Variants in TMEM163 observed in about 807,000 individuals in gnomAD.
The protein encoded by TMEM163 is transmembrane protein 163.
TMEM163 carries 17 observed loss-of-function variants against 29.3 expected under a neutral mutation model. The ratio of observed to expected loss-of-function variants is 0.58; its 90% CI spans 0.40 to 0.87. TMEM163 has a LOEUF of 0.87. Ranked by LOEUF, TMEM163 falls within the 40% of genes least tolerant of loss-of-function variation. The pLI, the probability that TMEM163 is intolerant of heterozygous loss-of-function variation, is 0.00. For synonymous variants in TMEM163, 157 were observed against 160.6 expected, an observed-to-expected ratio of 0.98 and a Z score of 0.17; for missense variants, 303 against 381.5, an observed-to-expected ratio of 0.79 and a Z score of 1.71.
At chr2:134,552,507 T>C (rs1680953296) in intron 2 of TMEM163, among the ~76,000 whole-genome samples, 1 of 152,032 alleles carries the variant, frequency 6.6e-6, no homozygotes, top group Non-Finnish European at 1.5e-5. Flanking sequence ...ATGAAAAAAA[T>C]CTGTGGGCAC....
chr2:134,690,040 C>T (rs1454755243), intron 2 of TMEM163, among the ~76,000 whole-genome samples: 2 of 152,110 alleles, frequency 1.3e-5, no homozygotes, highest in Admixed American at 6.6e-5. Context: ...AAGCAACTCT[C>T]GTGCCTCAGC....
intron 2 of TMEM163, among the ~76,000 whole-genome samples, chr2:134,573,459 G>A (rs530619407): frequency 6.6e-6 from 1 of 152,328 alleles, no homozygotes; most frequent in South Asian, 2.1e-4. Flanking sequence ...ACAGCTGGAA[G>A]AGAGGTCATC....
rs556062319 is a variant in TMEM163 at position 134,681,239 on chromosome 2, C to T, written c.322+31961G>A. Among the ~76,000 whole-genome samples, 15 of 152,318 alleles carry T rather than the reference C, an allele frequency of 9.8e-5. No individual in the cohort carries two copies. In the East Asian group the frequency reaches 1.4e-3, roughly 14 times the overall value. On this transcript the variant is annotated intron_variant, in intron 2 of 7. Transcript: ENST00000281924. ...TCACCGTGGCCATCTCTGACAGGCA[C>T]GTCTGGTCATGCCTCTCTCCAGTCT...
chr2:134,717,444 G>A (rs189710601), intron 1 of TMEM163, among the ~76,000 whole-genome samples: 41 of 152,278 alleles, frequency 2.7e-4, no homozygotes, highest in African/African-American at 9.1e-4. Context: ...AGTTCTCGCT[G>A]AGCATCTAGG....
chr2:134,549,996 C>T (rs1240601075), intron 4 of TMEM163, among the ~76,000 whole-genome samples: 7 of 152,066 alleles, frequency 4.6e-5, no homozygotes, highest in African/African-American at 7.2e-5. Flanking sequence ...AATCTGATTA[C>T]GGAACCTGTG....
At chr2:134,563,200 C>G (rs1681221871) in intron 2 of TMEM163, among the ~76,000 whole-genome samples, 1 of 152,208 alleles carries the variant, frequency 6.6e-6, no homozygotes, top group Non-Finnish European at 1.5e-5. Context: ...GGAGCCAAGG[C>G]TCCACTGCCA....
At chr2:134,652,152 C>T (rs1329265735) in intron 2 of TMEM163, among the ~76,000 whole-genome samples, 3 of 129,894 alleles carry the variant, frequency 2.3e-5, no homozygotes, top group Non-Finnish European at 4.7e-5. Flanking sequence ...GCCATTTTCA[C>T]GATATTGATT....
At chr2:134,515,221 C>T (rs1050436825) in intron 4 of TMEM163, among the ~76,000 whole-genome samples, 5 of 152,130 alleles carry the variant, frequency 3.3e-5, no homozygotes, top group Non-Finnish European at 7.4e-5. Flanking sequence ...TACAGAAAAC[C>T]ACCTGAGTGA....
chr2:134,585,018 T>C (rs758826089), intron 2 of TMEM163, among the ~76,000 whole-genome samples: 3 of 152,212 alleles, frequency 2.0e-5, no homozygotes, highest in African/African-American at 4.8e-5. Flanking sequence ...ATTCTTCATA[T>C]AGAACTTGAG....
At chr2:134,532,330 A>G (rs1680434308) in intron 4 of TMEM163, among the ~76,000 whole-genome samples, 1 of 152,210 alleles carries the variant, frequency 6.6e-6, no homozygotes, top group Non-Finnish European at 1.5e-5. Flanking sequence ...ACAAGCCCCA[A>G]GTGCTGTGAG....
chr2:134,585,611 G>A lies in TMEM163; in HGVS notation c.323-33520C>T, dbSNP rs186350014. On this transcript the variant is annotated intron_variant, in intron 2 of 7. Transcript: ENST00000281924. ...CAAAAAATTAGCCGGGCGCGGTGGC[G>A]GGCACCTGTAGTCCCAGCTACTAGG... Among the ~76,000 whole-genome samples, 582 of 152,166 alleles carry A rather than the reference G, an allele frequency of 3.8e-3. 1 individual carries two copies. The highest frequency in any genetic ancestry group is 6.0e-3 in the African/African-American group (248 of 41,514).
intron 2 of TMEM163, among the ~76,000 whole-genome samples, chr2:134,560,743 A>AC (rs1305356167): frequency 2.0e-5 from 3 of 152,238 alleles, no homozygotes; most frequent in African/African-American, 7.2e-5. Context: ...TCTAGCATGG[A>AC]CCAGGGCACC....
At chr2:134,551,256 G>A (rs1014106016) in intron 3 of TMEM163, among the ~76,000 whole-genome samples, 8 of 151,954 alleles carry the variant, frequency 5.3e-5, no homozygotes, top group Non-Finnish European at 8.8e-5. Context: ...GTGTGTGTAC[G>A]TGTGTATATG....
chr2:134,555,524 A>T (rs1681031345), intron 2 of TMEM163, among the ~76,000 whole-genome samples: 1 of 152,248 alleles, frequency 6.6e-6, no homozygotes. Context: ...CTGAACTCGG[A>T]CAATTATGTT....
At chr2:134,659,296 ACAT>A (rs1406997229) in intron 2 of TMEM163, among the ~76,000 whole-genome samples, 1 of 152,232 alleles carries the variant, frequency 6.6e-6, no homozygotes, top group Non-Finnish European at 1.5e-5. Context: ...GTGGACCCAA[ACAT>A]CATTATGCAG....
At chr2:134,694,747 C>T (rs1049018733) in intron 2 of TMEM163, among the ~76,000 whole-genome samples, 5 of 152,194 alleles carry the variant, frequency 3.3e-5, no homozygotes, top group Admixed American at 2.6e-4. Context: ...TATATACACA[C>T]ATTATTCTTT....
intron 1 of TMEM163, among the ~76,000 whole-genome samples, chr2:134,715,892 T>C (rs1232785696): frequency 6.6e-6 from 1 of 152,190 alleles, no homozygotes; most frequent in Non-Finnish European, 1.5e-5. Context: ...TCACTCAAAT[T>C]TCATAATTTG....
chr2:134,491,428 T>C (rs1218778654), intron 5 of TMEM163, among the ~76,000 whole-genome samples: 1 of 152,056 alleles, frequency 6.6e-6, no homozygotes, highest in Non-Finnish European at 1.5e-5. Context: ...CTCAGAATCT[T>C]CTGAGAGACT....
chr2:134,567,093 C>A (rs768514605), intron 2 of TMEM163, among the ~76,000 whole-genome samples: 43 of 152,270 alleles, frequency 2.8e-4, no homozygotes, highest in Admixed American at 2.2e-3. Flanking sequence ...CTCATTCCAC[C>A]GTACATCCCT....
Sources: gnomAD v4.1 joint callset for allele counts (sites outside exome capture counted in the v4.1 genomes callset) on GRCh38, gnomAD v4.1.1 for gene constraint, MANE v1.5 for transcripts, NCBI Gene and HGNC (gene_info 2026-07-23, HGNC 2026-07-21) for gene names.